The following SAMD14 variants were observed in gnomAD, a reference collection of about 807,000 sequenced individuals.
SAMD14 encodes the protein sterile alpha motif domain containing 14, also known as sterile alpha motif domain-containing protein 14.
Under a neutral mutation model 46.2 loss-of-function variants are expected in SAMD14, and 27 were observed. The ratio of observed to expected loss-of-function variants is 0.58; its 90% CI spans 0.43 to 0.81. The LOEUF is 0.81. SAMD14 is among the 30% of genes least tolerant of loss of function. SAMD14 has a pLI of 0.00. For synonymous variants in SAMD14, 241 were observed against 254.3 expected (o/e 0.95, Z 0.50); for missense variants, 559 against 582.2 (o/e 0.96, Z 0.41).
At chr17:50,124,840 T>G in intron 2 of SAMD14, 77 bp downstream of exon 2, 1 of 1,422,708 alleles carries the variant, frequency 7.0e-7, no homozygotes, top group Non-Finnish European at 9.9e-7. Flanking sequence ...CCTATCCCCT[T>G]CAATGCCTGG....
At position 50,112,704 on chromosome 17, in the gene SAMD14, C is replaced by CCTGGGGTCTCCCTTT; in HGVS notation, c.*174_*188dup. 1 of 619,044 alleles carries CCTGGGGTCTCCCTTT rather than the reference C, an allele frequency of 1.6e-6. No individual in the cohort carries two copies. The highest frequency in any genetic ancestry group is 2.7e-6 in the Non-Finnish European group (1 of 368,362). The allele number at this position is 619,044 out of a possible 1,614,324, so 38.3% of individuals were successfully genotyped here. On this transcript the variant is annotated 3_prime_UTR_variant, in exon 10 of 10. Coordinates refer to ENST00000330175, the MANE Select transcript of SAMD14 (RefSeq NM_001257359.2). ...ATAGGATTTATTACTAGGCCCTCTC[C>CCTGGGGTCTCCCTTT]CTGGGGTCTCCCTTTCTGGGGTCTC...
At chr17:50,114,446 C>A in intron 7 of SAMD14, 140 bp from the exon 8 acceptor site, 1 of 1,612,300 alleles carries the variant, frequency 6.2e-7, no homozygotes, top group East Asian at 2.2e-5. Context: ...TGGGCCTGCA[C>A]ACAGGACATG....
chr17:50,127,707 G>A (rs12453869), intron 1 of SAMD14, among the ~76,000 whole-genome samples: 31,285 of 152,088 alleles, frequency 0.21, 3,705 homozygotes, highest in Middle Eastern at 0.34. Context: ...CAGACTCTCC[G>A]AGAACCCTCC....
chr17:50,118,132 GTA>G, intron 3 of SAMD14, 27 bp downstream of exon 3: 1 of 1,560,220 alleles, frequency 6.4e-7, no homozygotes, highest in Non-Finnish European at 8.7e-7. Context: ...GTGGGAGGGT[GTA>G]TATGTGTTTT....
chr17:50,117,738 C>T lies in SAMD14; in HGVS notation c.211-43G>A, dbSNP rs543002620. The stretch of plus-strand genomic sequence containing the variant: ...CGCTCACCGAGAACCCTCCTCCTCC[C>T]TTCCCGGAGGAGCTGGGAGACTTTC... On this transcript the variant is annotated intron_variant, in intron 3 of 9. Coordinates refer to ENST00000330175, the MANE Select transcript of SAMD14 (RefSeq NM_001257359.2). 15 of 1,397,410 alleles carry T rather than the reference C, an allele frequency of 1.1e-5. No homozygotes were observed. The South Asian group carries it at 2.0e-4, about 18-fold the overall frequency. The allele number at this position is 1,397,410 out of a possible 1,614,324, so 86.6% of individuals were successfully genotyped here. A position where few individuals can be genotyped will look rare whatever the true frequency, so the allele number is the denominator to read the frequency against.
chr17:50,112,856 C>T lies in SAMD14; in HGVS notation c.*37G>A, dbSNP rs767752405. On this transcript the variant is annotated 3_prime_UTR_variant, in exon 10 of 10. Transcript: ENST00000330175. ...AGGCCTGTGCCCGCGGAGCCAGTGG[C>T]TGCCCCTGCCGGGTGCCAGCGCCTG... is the stretch of plus-strand genomic sequence containing the variant. The T allele has an allele frequency of 5.7e-6, 9 of 1,581,236 alleles. No homozygotes were observed. The highest frequency in any genetic ancestry group is 1.1e-5 in the South Asian group (1 of 89,122).
chr17:50,115,980 G>T lies in SAMD14; in HGVS notation c.587+23C>A. The stretch of plus-strand genomic sequence containing the variant: ...TTACCCCAGCAGCTCCAAGCCCTGC[G>T]ATCTAGCCCCGCCTCCACTCACCCC... On this transcript the variant is annotated intron_variant, in intron 5 of 9. Transcript: ENST00000330175. The surrounding 1 kb of genome is among the most constrained non-coding windows in gnomAD (Gnocchi z 5.3). 1 of 1,613,714 alleles carries T rather than the reference G, an allele frequency of 6.2e-7. No individual in the cohort carries two copies. The highest frequency in any genetic ancestry group is 8.5e-7 in the Non-Finnish European group (1 of 1,179,776).
Position 50,115,768 on chromosome 17 carries a change from A to G in SAMD14, c.663-45T>C, listed in dbSNP as rs1174200714. ...CATGGGTGTGGGTACAGAGGGGAGG[A>G]CCAGAGCACATGGGGAGCCAGGGGC... On this transcript the variant is annotated intron_variant, in intron 6 of 9. Transcript: ENST00000330175. This position sits in a 1 kb window ranked among gnomAD's most constrained non-coding sequence, Gnocchi z 5.3. 1.9e-6 allele frequency: 3 copies of G among 1,613,222 alleles called. No individual in the cohort carries two copies. Among genetic ancestry groups the G allele is most frequent in the Non-Finnish European group, 2.5e-6 (3 of 1,179,860 alleles).
At chr17:50,118,065 G>T (rs1911323787) in intron 3 of SAMD14, 96 bp downstream of exon 3, 7 of 1,352,258 alleles carry the variant, frequency 5.2e-6, no homozygotes, top group Non-Finnish European at 7.0e-6. Flanking sequence ...CTGGGGATGT[G>T]GTTTCCCTGG....
chr17:50,114,531 C>G, intron 7 of SAMD14: 8 of 1,241,234 alleles, frequency 6.4e-6, no homozygotes, highest in Non-Finnish European at 8.9e-6. Flanking sequence ...GGGGCTAGAA[C>G]CAAGCCAGGT....
intron 2 of SAMD14, among the ~76,000 whole-genome samples, chr17:50,122,760 G>A (rs912433299): frequency 6.6e-6 from 1 of 152,160 alleles, no homozygotes; most frequent in African/African-American, 2.4e-5. Flanking sequence ...CGAGGTTGCA[G>A]AAGGAACAAA....
rs2144388026 is a variant in SAMD14 at position 50,112,820 on chromosome 17, C to T, written c.*73G>A. 6.6e-7 allele frequency: 1 copy of T among 1,524,140 alleles called. No individual in the cohort carries two copies. The highest frequency in any genetic ancestry group is 1.2e-5 in the South Asian group (1 of 81,256). The allele number at this position is 1,524,140 out of a possible 1,614,324, so 94.4% of individuals were successfully genotyped here. A position where few individuals can be genotyped will look rare whatever the true frequency, so the allele number is the denominator to read the frequency against. On this transcript the variant is annotated 3_prime_UTR_variant, in exon 10 of 10. Transcript: ENST00000330175. ...GCCCAAGTGCAGCGCCCAGGTCCAG[C>T]CTCCCTGGTGAGGCCTGTGCCCGCG...
At chr17:50,117,909 C>T (rs1043847232) in intron 3 of SAMD14, 15 of 640,958 alleles carry the variant, frequency 2.3e-5, no homozygotes, top group Non-Finnish European at 3.7e-5. Flanking sequence ...CCCCCTCCTT[C>T]ACTTACTGTG....
chr17:50,122,746 G>A (rs1911560427), intron 2 of SAMD14, among the ~76,000 whole-genome samples: 1 of 152,166 alleles, frequency 6.6e-6, no homozygotes, highest in Non-Finnish European at 1.5e-5. Context: ...TAACCATAAA[G>A]AGCCGAGGTT....
At chr17:50,114,581 C>CGA in intron 7 of SAMD14, 1 of 462,880 alleles carries the variant, frequency 2.2e-6, no homozygotes, top group Non-Finnish European at 3.2e-6. Flanking sequence ...GTGTCACTTC[C>CGA]TACAGGCAGA....
Position 50,117,484 on chromosome 17 carries a change from G to A in SAMD14, c.422C>T (p.Pro141Leu), listed in dbSNP as rs951524204. Residue 141 changes from proline to leucine, a missense_variant, in exon 4 of 10, where the codon CCG (proline) becomes CTG (leucine). Physicochemically the swap from Pro to Leu is moderately conservative, Grantham distance 98. Transcript: ENST00000330175. The part of the protein sequence containing the change: ...HEGLAAASCS[P>L]PRSAPSSDSS... ...GTCGGAGGAGGGCGCGGAGCGCGGC[G>A]GAGAGCAGGAGGCGGCGGCCAGGCC... The A allele has an allele frequency of 3.5e-6, 5 of 1,424,978 alleles. No homozygotes were observed. The highest frequency in any genetic ancestry group is 3.6e-6 in the Non-Finnish European group (4 of 1,098,408). 88.3% of individuals were successfully genotyped at this position (1,424,978 alleles called of 1,614,324 possible). A position where few individuals can be genotyped will look rare whatever the true frequency, so the allele number is the denominator to read the frequency against.
rs765306030 is a variant in SAMD14, at chr17:50,113,037, G to A, written c.1110C>T (p.Leu370=). ...LDGSKLKSLG[L]SNSHDRALVK... is the part of the protein sequence containing the mutation. ...CCAGTGCCCGGTCATGAGAGTTGCT[G>A]AGCCCCAGGCTCTGGGGAGGAGTCC... Residue 370 remains leucine, a synonymous_variant, in exon 10 of 10, where the codon CTC becomes CTT. Transcript: ENST00000330175. The A allele has an allele frequency of 1.2e-6, 2 of 1,612,100 alleles. No homozygotes were observed. Among genetic ancestry groups the A allele is most frequent in the South Asian group, 1.1e-5 (1 of 91,080 alleles).
At position 50,115,489 on chromosome 17, in the gene SAMD14, G is replaced by C; in HGVS notation, c.822+75C>G. On this transcript the variant is annotated intron_variant, in intron 7 of 9. Transcript: ENST00000330175. The surrounding 1 kb of genome is among the most constrained non-coding windows in gnomAD (Gnocchi z 5.3). Reference sequence around the variant, plus strand: ...TCCAGGAATGTCTGAATCCCAGCCTGAGCCAAGGTGAAGTACGCCCTCATG... The same window carrying C: ...TCCAGGAATGTCTGAATCCCAGCCTCAGCCAAGGTGAAGTACGCCCTCATG... 1.4e-6 allele frequency: 2 copies of C among 1,461,236 alleles called. No individual in the cohort carries two copies. The highest frequency in any genetic ancestry group is 2.1e-4 in the Middle Eastern group (1 of 4,852). The allele number at this position is 1,461,236 out of a possible 1,614,324, so 90.5% of individuals were successfully genotyped here.
rs868338823 is a variant in SAMD14, at chr17:50,124,761, A to ACG, written c.43+154_43+155dup. On this transcript the variant is annotated intron_variant, in intron 2 of 9. Coordinates refer to ENST00000330175, the MANE Select transcript of SAMD14 (RefSeq NM_001257359.2). ...CAGGCCACAATACCTGCACGCGTGC[A>ACG]CGCGCGCGCGCACACACACACACAC... 7.7e-3 allele frequency among the ~76,000 whole-genome samples: 834 copies of ACG among 108,108 alleles called. 1 individual carries two copies. Among genetic ancestry groups the ACG allele is most frequent in the African/African-American group, 0.014 (346 of 24,472 alleles). The allele number at this position is 108,108 out of a possible 152,430, so 70.9% of individuals were successfully genotyped here.
Sources: gnomAD v4.1 joint callset for allele counts (sites outside exome capture counted in the v4.1 genomes callset) on GRCh38, gnomAD v4.1.1 for gene constraint, Gnocchi (gnomAD v3.1) non-coding constraint, MANE v1.5 for transcripts, NCBI Gene and HGNC (gene_info 2026-07-23, HGNC 2026-07-21) for gene names.